Variants in SLC30A8 observed in about 807,000 individuals in gnomAD.
SLC30A8 encodes the protein solute carrier family 30 member 8.
A neutral mutation model predicts 36.9 loss-of-function variants in SLC30A8; 27 were observed. That is an observed-to-expected ratio of 0.73 (90% CI 0.54 to 1.01). SLC30A8 has a LOEUF of 1.01. SLC30A8 is among the 50% of genes least tolerant of loss of function. The pLI, the probability that SLC30A8 is intolerant of heterozygous loss-of-function variation, is 0.00. For missense variants in SLC30A8, 439 were observed against 452.0 expected (o/e 0.97, Z 0.26); for synonymous variants, 164 against 172.4 (o/e 0.95, Z 0.38).
intron 2 of SLC30A8, among the ~76,000 whole-genome samples, chr8:117,105,198 G>A (rs1819931737): frequency 6.6e-6 from 1 of 151,976 alleles, no homozygotes; most frequent in African/African-American, 2.4e-5. Flanking sequence ...ATTTTACCCA[G>A]CCCCTGTTAA....
intron 1 of SLC30A8, among the ~76,000 whole-genome samples, chr8:117,004,765 C>G (rs560459872): frequency 1.3e-5 from 2 of 151,988 alleles, no homozygotes; most frequent in Non-Finnish European, 2.9e-5. Flanking sequence ...AAGAATGTAC[C>G]AAGTGTTGAT....
chr8:117,142,129 A>G (rs1049372314), intron 1 of SLC30A8, among the ~76,000 whole-genome samples: 1 of 152,144 alleles, frequency 6.6e-6, no homozygotes, highest in South Asian at 2.1e-4. Flanking sequence ...GCCCTTCTCC[A>G]GGTTACTCTA....
intron 2 of SLC30A8, chr8:117,128,572 A>C (rs1821007102): frequency 6.6e-6 from 1 of 152,032 alleles, no homozygotes; most frequent in Non-Finnish European, 1.5e-5. Flanking sequence ...GGTAAGAAGA[A>C]GACTTGCTGC....
chr8:117,097,824 ATT>A (rs1449523119), intron 2 of SLC30A8, among the ~76,000 whole-genome samples: 4 of 88,222 alleles, frequency 4.5e-5, no homozygotes, highest in Non-Finnish European at 5.7e-5. Flanking sequence ...AAATATATAT[ATT>A]ATATATAATA....
At chr8:117,009,190 T>C (rs1301826205) in intron 1 of SLC30A8, among the ~76,000 whole-genome samples, 1 of 152,132 alleles carries the variant, frequency 6.6e-6, no homozygotes, top group African/African-American at 2.4e-5. Context: ...AGAGTTTCTA[T>C]TTCCTTGGAG....
At chr8:117,043,359 GAA>G (rs1413974841) in intron 2 of SLC30A8, among the ~76,000 whole-genome samples, 1 of 152,212 alleles carries the variant, frequency 6.6e-6, no homozygotes, top group African/African-American at 2.4e-5. Context: ...GCTTCCGGCA[GAA>G]AGAGAACTTG....
At chr8:116,974,337 T>C (rs1183928292) in intron 1 of SLC30A8, among the ~76,000 whole-genome samples, 3 of 152,058 alleles carry the variant, frequency 2.0e-5, no homozygotes, top group Middle Eastern at 3.4e-3. Flanking sequence ...TTAAACAAAT[T>C]TACAAGAAAA....
intron 2 of SLC30A8, among the ~76,000 whole-genome samples, chr8:117,113,816 G>A (rs940186185): frequency 1.3e-5 from 2 of 152,106 alleles, no homozygotes; most frequent in Non-Finnish European, 2.9e-5. Context: ...CCCTCAAGTG[G>A]TGTTTAAGAT....
At chr8:117,026,012 A>G (rs972733908) in intron 1 of SLC30A8, among the ~76,000 whole-genome samples, 5 of 152,168 alleles carry the variant, frequency 3.3e-5, no homozygotes, top group African/African-American at 1.2e-4. Context: ...TGTTCGTAGC[A>G]TGGAGCTGCA....
intron 1 of SLC30A8, among the ~76,000 whole-genome samples, chr8:116,959,107 C>G (rs577632022): frequency 6.6e-6 from 1 of 152,172 alleles, no homozygotes; most frequent in South Asian, 2.1e-4. Flanking sequence ...CCTCGGCCTC[C>G]CAAAGTGCTG....
chr8:117,171,369 G>A (rs1188369006), intron 7 of SLC30A8, among the ~76,000 whole-genome samples: 1 of 152,032 alleles, frequency 6.6e-6, no homozygotes, highest in Non-Finnish European at 1.5e-5. Flanking sequence ...GACATTCTTG[G>A]GGCTGACTGC....
At chr8:117,085,646 T>C (rs917059948) in intron 2 of SLC30A8, among the ~76,000 whole-genome samples, 3 of 152,188 alleles carry the variant, frequency 2.0e-5, no homozygotes, top group Non-Finnish European at 4.4e-5. Flanking sequence ...ATTATGTGGC[T>C]GGCACTGTGT....
At chr8:117,162,808 G>C (rs373005789) in intron 5 of SLC30A8, among the ~76,000 whole-genome samples, 1 of 152,204 alleles carries the variant, frequency 6.6e-6, no homozygotes, top group African/African-American at 2.4e-5. Flanking sequence ...AGACTTTTCT[G>C]TGGCATAGAA....
intron 1 of SLC30A8, among the ~76,000 whole-genome samples, chr8:117,010,357 A>G (rs1241504961): frequency 6.6e-6 from 1 of 152,152 alleles, no homozygotes; most frequent in Non-Finnish European, 1.5e-5. Flanking sequence ...AGTGTCCAGA[A>G]CAGGAGTCAT....
chr8:116,978,350 A>G (rs1815124616), intron 1 of SLC30A8, among the ~76,000 whole-genome samples: 1 of 152,192 alleles, frequency 6.6e-6, no homozygotes, highest in South Asian at 2.1e-4. Context: ...GGATGGGGTA[A>G]GAATTTTGGA....
At chr8:116,977,108 TGCCTGG>T (rs1460939187) in intron 1 of SLC30A8, among the ~76,000 whole-genome samples, 2 of 147,900 alleles carry the variant, frequency 1.4e-5, no homozygotes, top group Non-Finnish European at 3.0e-5. Flanking sequence ...GGAGCCACCG[TGCCTGG>T]CCTTTTCTTT....
intron 1 of SLC30A8, among the ~76,000 whole-genome samples, chr8:117,030,546 A>C (rs575462952): frequency 6.6e-6 from 1 of 152,278 alleles, no homozygotes; most frequent in Admixed American, 6.5e-5. Flanking sequence ...CTTCTTTGTC[A>C]TGCTGGAAGG....
At chr8:117,087,743 AG>A (rs1818937935) in intron 2 of SLC30A8, among the ~76,000 whole-genome samples, 1 of 152,142 alleles carries the variant, frequency 6.6e-6, no homozygotes, top group Non-Finnish European at 1.5e-5. Flanking sequence ...CTCTCATAAT[AG>A]GGTAGGTGGC....
Position 117,147,016 on chromosome 8 carries a change from T to C in SLC30A8, c.134T>C (p.Leu45Pro). 1.2e-6 allele frequency: 2 copies of C among 1,614,060 alleles called. No individual in the cohort carries two copies. Among genetic ancestry groups the C allele is most frequent in the Non-Finnish European group, 1.7e-6 (2 of 1,179,970 alleles). Residue 45 changes from leucine to proline, a missense_variant, in exon 2 of 8, where the codon CTG becomes CCG. Leu to Pro is a moderately conservative substitution (Grantham distance 98). Transcript: ENST00000456015. ...TGTCCCAGAGAGAGACCAGAGGAGC[T>C]GGAGTCAGGAGGCATGTACCACTGC... ...DQCPRERPEE[L>P]ESGGMYHCHS... is the part of the protein sequence containing the mutation.
Sources: allele counts gnomAD v4.1 joint callset (sites outside exome capture counted in the v4.1 genomes callset), GRCh38; gene constraint gnomAD v4.1.1; transcripts MANE v1.5; gene names NCBI Gene and HGNC (gene_info 2026-07-23, HGNC 2026-07-21).